The following USE1 variants were observed in gnomAD, a reference collection of about 807,000 sequenced individuals.
USE1 encodes the protein vesicle transport protein USE1.
A neutral mutation model predicts 37.6 loss-of-function variants in USE1; 32 were observed. That is an observed-to-expected ratio of 0.85 (90% CI 0.64 to 1.14). The LOEUF (loss-of-function observed/expected upper bound fraction) is 1.14, where lower values mean the gene tolerates loss of function less well. USE1 is among the 50% of genes most tolerant of loss of function. The pLI is 0.00. For synonymous variants in USE1, 149 were observed against 137.6 expected (o/e 1.08, Z -0.58); for missense variants, 310 against 332.2 (o/e 0.93, Z 0.52).
At chr19:17,215,648 T>C (rs966234701) in intron 1 of USE1, 141 bp downstream of exon 1, 91 of 1,313,452 alleles carry the variant, frequency 6.9e-5, no homozygotes, top group Non-Finnish European at 9.1e-5. Flanking sequence ...CGTCCACCTG[T>C]AGCTTCCGCC....
At position 17,219,720 on chromosome 19, in the gene USE1, A is replaced by T; in HGVS notation, c.687A>T (p.Ser229=). Residue 229 remains serine, a synonymous_variant, in exon 8 of 8, where the codon TCA becomes TCT. Coordinates refer to ENST00000263897, the MANE Select transcript of USE1 (RefSeq NM_018467.4). ...GTCTGGAGCAGCACACGCAGAAGTC[A>T]GTCAACTGGCTGCTCTGGGCCATGC... The part of the protein sequence containing the change: ...SERLEQHTQK[S]VNWLLWAMLI... 1 of 1,613,602 alleles carries T rather than the reference A, an allele frequency of 6.2e-7. No homozygotes were observed. Among genetic ancestry groups the T allele is most frequent in the Non-Finnish European group, 8.5e-7 (1 of 1,179,592 alleles).
In USE1 at chr19:17,215,591, G is replaced by C. The variant is rs565705127; in HGVS notation, c.102+84G>C. On this transcript the variant is annotated intron_variant, in intron 1 of 7. Transcript: ENST00000263897. ...TGGAAGCCACCTGGCCCGACTCCCC[G>C]GCCCCAGTAGCCTCTCGGGCAGCGC... 2,190 of 1,479,010 alleles carry C rather than the reference G, an allele frequency of 1.5e-3. 2 individuals carry two copies. Among genetic ancestry groups the C allele is most frequent in the Non-Finnish European group, 1.8e-3 (1,959 of 1,098,156 alleles). 91.6% of individuals were successfully genotyped at this position (1,479,010 alleles called of 1,614,324 possible).
At chr19:17,215,647 G>A in intron 1 of USE1, 140 bp downstream of exon 1, 1 of 1,319,616 alleles carries the variant, frequency 7.6e-7, no homozygotes, top group Non-Finnish European at 1.0e-6. Flanking sequence ...ACGTCCACCT[G>A]TAGCTTCCGC....
chr19:17,216,216 C>T lies in USE1; in HGVS notation c.279C>T (p.Gly93=). The part of the protein sequence containing the change: ...KALANQFLAP[G]RVPTTARERV... ...TGGCCAACCAGTTCCTGGCCCCTGG[C>T]CGTGTGCCAACCACAGCCAGAGAGC... The change falls in exon 4 of 8, where the codon GGC becomes GGT. Residue 93 remains glycine (G), a synonymous_variant. Coordinates refer to ENST00000263897, the MANE Select transcript of USE1 (RefSeq NM_018467.4). 6.2e-7 allele frequency: 1 copy of T among 1,612,874 alleles called. No homozygotes were observed. Among genetic ancestry groups the T allele is most frequent in the South Asian group, 1.1e-5 (1 of 91,078 alleles).
chr19:17,219,355 G>A lies in USE1; in HGVS notation c.565G>A (p.Ala189Thr). Residue 189 changes from alanine (A) to threonine (T), a missense_variant, in exon 7 of 8, where the codon GCC becomes ACC. Coordinates refer to ENST00000263897, the MANE Select transcript of USE1 (RefSeq NM_018467.4). ...CCGGAGCCTCAAGACCAATACCCTG[G>A]CCGCCCAGAGTGTCATCAAGAAGGA... ...LARSLKTNTL[A>T]AQSVIKKDNQ... 6.4e-7 allele frequency: 1 copy of A among 1,571,432 alleles called. No homozygotes were observed. The highest frequency in any genetic ancestry group is 8.6e-7 in the Non-Finnish European group (1 of 1,158,290).
intron 6 of USE1, chr19:17,218,733 A>G (rs1178915432): frequency 2.4e-5 from 5 of 206,032 alleles, no homozygotes; most frequent in South Asian, 1.7e-4. Flanking sequence ...AGGCTGAGGC[A>G]GGAGAACTGC....
chr19:17,215,986 T>G lies in USE1; in HGVS notation c.153-6T>G. On this transcript the variant is annotated splice_polypyrimidine_tract_variant and splice_region_variant and intron_variant, in intron 2 of 7. Coordinates refer to ENST00000263897, the MANE Select transcript of USE1 (RefSeq NM_018467.4). ...AGGTTTTGTTTTTCTTCTTCCTGCC[T>G]TCCAGCAAACCGGCCTCTGAGGTGA... is the stretch of plus-strand genomic sequence containing the variant. 6.2e-7 allele frequency: 1 copy of G among 1,600,714 alleles called. No homozygotes were observed. The highest frequency in any genetic ancestry group is 8.5e-7 in the Non-Finnish European group (1 of 1,173,558).
chr19:17,218,106 T>G (rs1379199806), intron 5 of USE1: 5 of 456,998 alleles, frequency 1.1e-5, no homozygotes, highest in African/African-American at 4.0e-5. Flanking sequence ...ATAAATAAAT[T>G]TTTTAAAGCT....
rs748701036 is a variant in USE1, at chr19:17,215,770, C to A, written c.103-32C>A. On this transcript the variant is annotated intron_variant, in intron 1 of 7. Coordinates refer to ENST00000263897, the MANE Select transcript of USE1 (RefSeq NM_018467.4). ...TCCCATGATCAGGACATGGGAAAGA[C>A]CCCCGGGTGACAATCCACTTTTCCT... 6 of 1,584,728 alleles carry A rather than the reference C, an allele frequency of 3.8e-6. No homozygotes were observed. In the African/African-American group the frequency reaches 4.1e-5, roughly 11 times the overall value.
At chr19:17,215,531 G>T (rs377622515) in intron 1 of USE1, 24 bp downstream of exon 1, 3 of 1,549,228 alleles carry the variant, frequency 1.9e-6, no homozygotes, top group Non-Finnish European at 2.6e-6. Flanking sequence ...GCACTGCCGC[G>T]TAGAGCCCGA....
At position 17,216,379 on chromosome 19, in the gene USE1, T is replaced by A. The variant is rs755172343; in HGVS notation, c.384+58T>A. ...TTGGACAGGAATAGGGGTTCTATGC[T>A]TGTAGGCAGCCAGAACCACAATACT... On this transcript the variant is annotated intron_variant, in intron 4 of 7. Coordinates refer to ENST00000263897, the MANE Select transcript of USE1 (RefSeq NM_018467.4). 3.2e-6 allele frequency: 5 copies of A among 1,581,684 alleles called. No homozygotes were observed. The Admixed American group carries it at 5.1e-5, about 16-fold the overall frequency.
rs543081209 is a variant in USE1, at chr19:17,216,479, G to A, written c.384+158G>A. ...TCACACAAGGCTGCCCAACAGAGGG[G>A]CATTGTGGCTAAGGCTTTGCTAGAT... On this transcript the variant is annotated intron_variant, in intron 4 of 7. Coordinates refer to ENST00000263897, the MANE Select transcript of USE1 (RefSeq NM_018467.4). 175 of 1,055,534 alleles carry A rather than the reference G, an allele frequency of 1.7e-4. 1 individual carries two copies. Among genetic ancestry groups the A allele is most frequent in the Admixed American group, 4.2e-4 (15 of 35,462 alleles). The allele number at this position is 1,055,534 out of a possible 1,614,324, so 65.4% of individuals were successfully genotyped here. A position where few individuals can be genotyped will look rare whatever the true frequency, so the allele number is the denominator to read the frequency against.
At chr19:17,217,568 C>A in intron 5 of USE1, 106 bp downstream of exon 5, 1 of 1,467,914 alleles carries the variant, frequency 6.8e-7, no homozygotes, top group South Asian at 1.2e-5. Flanking sequence ...GCCCTGACTC[C>A]AACAGGAGCA....
At chr19:17,217,136 C>CTT (rs35846876) in intron 4 of USE1, among the ~76,000 whole-genome samples, 1 of 128,630 alleles carries the variant, frequency 7.8e-6, no homozygotes, top group Non-Finnish European at 1.6e-5. Flanking sequence ...ATGGCATTTA[C>CTT]TTTTTTTTTT....
chr19:17,218,539 T>A, intron 6 of USE1, 148 bp downstream of exon 6: 1 of 1,070,836 alleles, frequency 9.3e-7, no homozygotes, highest in Non-Finnish European at 1.3e-6. Context: ...TTCCCAGAAG[T>A]CAAAGGCCAG....
At chr19:17,218,252 A>T in intron 5 of USE1, 112 bp from the exon 6 acceptor site, 7 of 1,472,672 alleles carry the variant, frequency 4.8e-6, no homozygotes, top group Non-Finnish European at 6.5e-6. Flanking sequence ...GGGGCAGCAG[A>T]CAAGATGAGG....
At chr19:17,217,503 A>C (rs1163171632) in intron 5 of USE1, 41 bp downstream of exon 5, 5 of 1,607,706 alleles carry the variant, frequency 3.1e-6, no homozygotes, top group Non-Finnish European at 4.2e-6. Context: ...GGGCCAGCTG[A>C]CTAGGACAAG....
intron 4 of USE1, among the ~76,000 whole-genome samples, 154 bp from the exon 5 acceptor site, chr19:17,217,299 T>C (rs1013541208): frequency 1.1e-4 from 16 of 151,828 alleles, no homozygotes; most frequent in South Asian, 6.2e-4. Flanking sequence ...CACACCTGGC[T>C]AACTTTTTGT....
At chr19:17,216,991 T>A (rs12150960) in intron 4 of USE1, among the ~76,000 whole-genome samples, 9,231 of 150,200 alleles carry the variant, frequency 0.061, 311 homozygotes, top group Non-Finnish European at 0.078. Flanking sequence ...AAAAAAAAAA[T>A]ATGAGTTGTC....
Sources: allele counts gnomAD v4.1 joint callset (sites outside exome capture counted in the v4.1 genomes callset), GRCh38; gene constraint gnomAD v4.1.1; transcripts MANE v1.5; gene names NCBI Gene and HGNC (gene_info 2026-07-23, HGNC 2026-07-21).